DNAH14: variants seen among roughly 807,000 people sequenced by gnomAD.
DNAH14 encodes dynein axonemal heavy chain 14, also known as axonemal beta dynein heavy chain 14.
DNAH14 carries 478 observed loss-of-function variants against 520.9 expected under a neutral mutation model. That is an observed-to-expected ratio of 0.92 (90% CI 0.85 to 0.99). DNAH14 has a LOEUF of 0.99. DNAH14 is among the 50% of genes least tolerant of loss of function. The probability of loss-of-function intolerance (pLI) is 0.00; values close to 1 mark genes in which losing one functional copy is unlikely to be tolerated. For missense variants in DNAH14, 4,831 were observed against 5,234.5 expected (o/e 0.92, Z 2.38); for synonymous variants, 1,581 against 1,757.2 (o/e 0.90, Z 2.51).
At chr1:225,336,842 G>A (rs908664163) in intron 66 of DNAH14, among the ~76,000 whole-genome samples, 9 of 152,148 alleles carry the variant, frequency 5.9e-5, no homozygotes, top group African/African-American at 2.2e-4. Flanking sequence ...ATTTCACTAT[G>A]TGGTATATAT....
Position 224,929,700 on chromosome 1 carries a change from T to C in DNAH14, c.-169T>C, listed in dbSNP as rs1239506521. 4 of 702,242 alleles carry C rather than the reference T, an allele frequency of 5.7e-6. No individual in the cohort carries two copies. Among genetic ancestry groups the C allele is most frequent in the Non-Finnish European group, 1.0e-5 (4 of 384,848 alleles). 43.5% of individuals were successfully genotyped at this position (702,242 alleles called of 1,614,324 possible). ...GTCAGGCGGTTACGGCCAGGAGGCG[T>C]CGGAGCCTGGCGTGGTAGGGCTGTG... On this transcript the variant is annotated 5_prime_UTR_variant, in exon 1 of 86. Transcript: ENST00000682510.
At chr1:225,369,479 C>CATAT (rs59948265) in intron 77 of DNAH14, among the ~76,000 whole-genome samples, 8 of 150,432 alleles carry the variant, frequency 5.3e-5, no homozygotes, top group Admixed American at 5.3e-4. Flanking sequence ...CATATTGTAG[C>CATAT]ATATATATAT....
At chr1:225,022,244 G>C (rs1397899147) in intron 10 of DNAH14, among the ~76,000 whole-genome samples, 3 of 152,096 alleles carry the variant, frequency 2.0e-5, no homozygotes, top group Non-Finnish European at 2.9e-5. Context: ...AAACAAAATT[G>C]ATAAGTGGGA....
At chr1:225,023,535 TA>T (rs928461110) in intron 10 of DNAH14, 79 bp from the exon 11 acceptor site, 118 of 1,182,390 alleles carry the variant, frequency 1.0e-4, no homozygotes, top group South Asian at 2.6e-4. Context: ...TTGAAGTTGA[TA>T]AAAAAAACTA....
At chr1:225,357,551 T>C (rs2095444013) in intron 73 of DNAH14, among the ~76,000 whole-genome samples, 1 of 152,202 alleles carries the variant, frequency 6.6e-6, no homozygotes. Context: ...AAGTGAACTC[T>C]GCTATTAGAC....
chr1:225,021,051 A>C (rs1289695074), intron 10 of DNAH14, among the ~76,000 whole-genome samples: 1 of 152,242 alleles, frequency 6.6e-6, no homozygotes, highest in African/African-American at 2.4e-5. Flanking sequence ...CAAATACCAC[A>C]TGATCATCTC....
intron 54 of DNAH14, among the ~76,000 whole-genome samples, chr1:225,283,619 A>G (rs981098240): frequency 5.9e-5 from 9 of 152,182 alleles, no homozygotes; most frequent in South Asian, 2.1e-4. Context: ...TTAATAATTG[A>G]TAGAGAAACT....
At chr1:225,057,631 T>G (rs1455506937) in intron 17 of DNAH14, among the ~76,000 whole-genome samples, 4 of 152,136 alleles carry the variant, frequency 2.6e-5, no homozygotes, top group African/African-American at 9.7e-5. Context: ...ATGCTTCCAG[T>G]TTTTGCCCAT....
At chr1:225,212,836 A>C (rs2088647171) in intron 41 of DNAH14, among the ~76,000 whole-genome samples, 1 of 152,090 alleles carries the variant, frequency 6.6e-6, no homozygotes. Flanking sequence ...AGATTGTAAA[A>C]ATTGTTTCCC....
At chr1:225,047,859 T>C (rs901468004) in intron 15 of DNAH14, among the ~76,000 whole-genome samples, 4 of 152,228 alleles carry the variant, frequency 2.6e-5, no homozygotes, top group Admixed American at 6.5e-5. Flanking sequence ...TAGTTTGTAA[T>C]AGTTAGATTA....
chr1:225,265,156 T>TTTTC (rs1312809668), intron 47 of DNAH14, 26 bp from the exon 48 acceptor site: 1 of 1,414,382 alleles, frequency 7.1e-7, no homozygotes, highest in Non-Finnish European at 9.2e-7. Flanking sequence ...TAAATTTGTT[T>TTTTC]TTTCTTTCTA....
At chr1:225,106,574 C>G (rs1031355867) in intron 23 of DNAH14, among the ~76,000 whole-genome samples, 1 of 152,060 alleles carries the variant, frequency 6.6e-6, no homozygotes, top group African/African-American at 2.4e-5. Flanking sequence ...GAGGCTTTGT[C>G]GTTTCTTTTT....
chr1:225,003,061 A>G (rs960733535), intron 9 of DNAH14, 134 bp downstream of exon 9: 17 of 803,812 alleles, frequency 2.1e-5, no homozygotes, highest in Non-Finnish European at 3.0e-5. Flanking sequence ...CCGTTCTAAA[A>G]TATCTGCAAA....
chr1:225,093,419 A>G lies in DNAH14; in HGVS notation c.3574-3699A>G, dbSNP rs546421157. 9.8e-4 allele frequency among the ~76,000 whole-genome samples: 150 copies of G among 152,328 alleles called. 1 individual carries two copies. Among genetic ancestry groups the G allele is most frequent in the African/African-American group, 3.4e-3 (142 of 41,572 alleles). On this transcript the variant is annotated intron_variant, in intron 21 of 85. Coordinates refer to ENST00000682510, the MANE Select transcript of DNAH14 (RefSeq NM_001367479.1). ...TCAATAGATGCAGAAAAAGCTTTCAATAAAATTCAACATTGCTTTATGTTA... is the reference window on the plus strand; with the variant it reads ...TCAATAGATGCAGAAAAAGCTTTCAGTAAAATTCAACATTGCTTTATGTTA...
At chr1:225,343,099 A>G (rs6660216) in intron 69 of DNAH14, among the ~76,000 whole-genome samples, 90,679 of 152,026 alleles carry the variant, frequency 0.6, 28,160 homozygotes, top group East Asian at 0.76. Context: ...GGAAGGATGT[A>G]GGTCCCCACT....
intron 12 of DNAH14, among the ~76,000 whole-genome samples, chr1:225,042,087 G>A (rs1237638704): frequency 6.6e-6 from 1 of 152,054 alleles, no homozygotes; most frequent in African/African-American, 2.4e-5. Context: ...CTCTTTCACC[G>A]GCAGCTTAAT....
rs1181444933 is a variant in DNAH14, at chr1:225,117,894, A to C, written c.3986A>C (p.Lys1329Thr). ...TCTGGTTCACAGCCTCATCTTGTGA[A>C]ATGCTTTGAAAATATAAAACAATTA... Reference protein sequence around the residue: ...NPESVQPHLVKCFENIKQLLI... With the variant: ...NPESVQPHLVTCFENIKQLLI... Residue 1329 changes from lysine to threonine, a missense_variant, in exon 25 of 86, where the codon AAA becomes ACA. Physicochemically the swap from Lys to Thr is moderately conservative, Grantham distance 78. Coordinates refer to ENST00000682510, the MANE Select transcript of DNAH14 (RefSeq NM_001367479.1). 1 of 1,548,214 alleles carries C rather than the reference A, an allele frequency of 6.5e-7. No homozygotes were observed. Among genetic ancestry groups the C allele is most frequent in the Admixed American group, 2.0e-5 (1 of 50,822 alleles).
intron 1 of DNAH14, among the ~76,000 whole-genome samples, chr1:224,943,220 G>C (rs988750312): frequency 2.6e-5 from 4 of 152,140 alleles, no homozygotes; most frequent in Non-Finnish European, 5.9e-5. Flanking sequence ...CTTCTTCCTG[G>C]TTTAGTCTTG....
intron 8 of DNAH14, among the ~76,000 whole-genome samples, chr1:224,997,219 CTG>C (rs2063453080): frequency 6.6e-6 from 1 of 152,090 alleles, no homozygotes; most frequent in South Asian, 2.1e-4. Flanking sequence ...CTGTTACCCT[CTG>C]TGTTCCTTAT....
Sources: allele counts gnomAD v4.1 joint callset (sites outside exome capture counted in the v4.1 genomes callset), GRCh38; gene constraint gnomAD v4.1.1; transcripts MANE v1.5; gene names NCBI Gene and HGNC (gene_info 2026-07-23, HGNC 2026-07-21).